BIN2: variants seen among roughly 807,000 people sequenced by gnomAD.
BIN2 encodes breast cancer associated protein BRAP1.
A neutral mutation model predicts 67.9 loss-of-function variants in BIN2; 43 were observed. The ratio of observed to expected loss-of-function variants is 0.63; its 90% confidence interval spans 0.50 to 0.82. The LOEUF is 0.82. BIN2 is among the 40% of genes least tolerant of loss of function. BIN2 has a pLI of 0.00. For missense variants in BIN2, 581 were observed against 671.6 expected (o/e 0.87, Z 1.49); for synonymous variants, 244 against 246.8 (o/e 0.99, Z 0.11).
intron 2 of BIN2, among the ~76,000 whole-genome samples, chr12:51,304,876 G>A (rs1360884705): frequency 6.6e-6 from 1 of 151,964 alleles, no homozygotes; most frequent in Non-Finnish European, 1.5e-5. Flanking sequence ...AATTAGCTGG[G>A]TGTGGTGGCG....
At chr12:51,320,156 T>G (rs754001206) in intron 1 of BIN2, among the ~76,000 whole-genome samples, 17 of 152,074 alleles carry the variant, frequency 1.1e-4, no homozygotes, top group Non-Finnish European at 1.8e-4. Context: ...ATTTTTGTAT[T>G]TTTTGGTAGA....
chr12:51,324,291 G>A, upstream of BIN2: 6 of 1,390,836 alleles, frequency 4.3e-6, no homozygotes, highest in South Asian at 1.5e-5. Context: ...AGGCCGGCTC[G>A]GAGGGGCGGG....
At chr12:51,297,260 A>T (rs1364529443) in intron 7 of BIN2, 96 bp from the exon 8 acceptor site, 1 of 1,229,368 alleles carries the variant, frequency 8.1e-7, no homozygotes. Context: ...AAAACCAGCC[A>T]CCAAGGCTCC....
intron 11 of BIN2, 48 bp downstream of exon 11, chr12:51,288,060 T>C (rs954963358): frequency 6.9e-6 from 9 of 1,303,414 alleles, no homozygotes; most frequent in Non-Finnish European, 9.9e-6. Context: ...AATTTTAATG[T>C]ACAAAAAAAT....
At position 51,292,279 on chromosome 12, in the gene BIN2, G is replaced by T. The variant is rs370582865; in HGVS notation, c.827C>A (p.Thr276Asn). The T allele has an allele frequency of 1.2e-6, 2 of 1,601,346 alleles. No individual in the cohort carries two copies. The highest frequency in any genetic ancestry group is 2.7e-5 in the African/African-American group (2 of 75,026). ...AAGTGTAGAGGGACTAGTAGGTGAG[G>T]TAAGAGGACTGGAGACTGTAGCTGT... The part of the protein sequence containing the change: ...VRTATVSSPL[T>N]SPTSPSTLSL... Residue 276 changes from threonine (T) to asparagine (N), a missense_variant, in exon 10 of 13, where the codon ACC (threonine) becomes AAC (asparagine). Transcript: ENST00000615107.
chr12:51,291,537 T>C, intron 10 of BIN2, 54 bp downstream of exon 10: 1 of 1,500,212 alleles, frequency 6.7e-7, no homozygotes, highest in Admixed American at 2.2e-5. Context: ...AGTGAGACCC[T>C]AGCTTAAATA....
At chr12:51,295,198 G>C (rs1945504165) in intron 9 of BIN2, among the ~76,000 whole-genome samples, 1 of 151,502 alleles carries the variant, frequency 6.6e-6, no homozygotes, top group African/African-American at 2.4e-5. Context: ...TCCTGCCTCA[G>C]CCTCCCAAAG....
chr12:51,311,843 C>T (rs1946005078), intron 2 of BIN2, among the ~76,000 whole-genome samples: 1 of 151,930 alleles, frequency 6.6e-6, no homozygotes, highest in Non-Finnish European at 1.5e-5. Flanking sequence ...GCGATCTTGG[C>T]TCACTGCAAC....
intron 1 of BIN2, among the ~76,000 whole-genome samples, chr12:51,320,259 A>T (rs1385053499): frequency 2.6e-5 from 4 of 152,160 alleles, no homozygotes; most frequent in African/African-American, 9.7e-5. Flanking sequence ...ACCTCAGGTG[A>T]TCTACCCACC....
At chr12:51,287,204 T>A (rs764042627) in intron 11 of BIN2, among the ~76,000 whole-genome samples, 17 of 152,070 alleles carry the variant, frequency 1.1e-4, no homozygotes, top group Non-Finnish European at 1.0e-4. Flanking sequence ...CAGTGGCTAT[T>A]CACAGGTGTG....
At chr12:51,324,500 C>G, upstream of BIN2, 1 of 1,530,236 alleles carries the variant, frequency 6.5e-7, no homozygotes, top group Non-Finnish European at 8.7e-7. Context: ...TTCCACTCAG[C>G]GAGAGGACCT....
At chr12:51,309,961 C>T (rs972733338) in intron 2 of BIN2, among the ~76,000 whole-genome samples, 2 of 152,138 alleles carry the variant, frequency 1.3e-5, no homozygotes, top group Non-Finnish European at 2.9e-5. Flanking sequence ...GGAAATAGAA[C>T]AGTAAGAAGA....
chr12:51,324,239 G>A (rs543645609), upstream of BIN2: 40 of 1,439,848 alleles, frequency 2.8e-5, no homozygotes, highest in African/African-American at 5.7e-4. Flanking sequence ...CCCCTGGCCA[G>A]CCCTGAGGCC....
At chr12:51,290,729 C>T (rs999087369) in intron 10 of BIN2, among the ~76,000 whole-genome samples, 1 of 151,618 alleles carries the variant, frequency 6.6e-6, no homozygotes, top group Non-Finnish European at 1.5e-5. Context: ...GTCAGGAGAT[C>T]GAGACCATCC....
chr12:51,300,073 T>C (rs1001455120), intron 5 of BIN2, among the ~76,000 whole-genome samples: 2 of 151,934 alleles, frequency 1.3e-5, no homozygotes, highest in African/African-American at 4.8e-5. Context: ...CCTGGGCTCA[T>C]GTGATATGCC....
chr12:51,282,549 C>A (rs1945140816), intron 12 of BIN2, among the ~76,000 whole-genome samples: 2 of 152,198 alleles, frequency 1.3e-5, no homozygotes, highest in East Asian at 1.9e-4. Context: ...CAATAAACAA[C>A]TATATTACTT....
chr12:51,298,838 GCAGGGGGATCACTTGAAGC>G (rs1057451617), intron 7 of BIN2, among the ~76,000 whole-genome samples: 8 of 152,230 alleles, frequency 5.3e-5, no homozygotes, highest in African/African-American at 1.4e-4. Context: ...GGAGGCCAAG[GCAGGGGGATCACTTGAAGC>G]CAGGAGTTCG....
chr12:51,320,638 T>TC (rs1312559171), intron 1 of BIN2, among the ~76,000 whole-genome samples: 2 of 113,562 alleles, frequency 1.8e-5, no homozygotes. Flanking sequence ...ATTATTCTTT[T>TC]TTTTTTTTTT....
intron 2 of BIN2, among the ~76,000 whole-genome samples, chr12:51,305,763 C>A (rs1052190667): frequency 2.0e-5 from 3 of 148,964 alleles, no homozygotes. Flanking sequence ...TTGGTCAAAT[C>A]AAAGAAAACT....
Sources: allele counts gnomAD v4.1 joint callset (sites outside exome capture counted in the v4.1 genomes callset), GRCh38; gene constraint gnomAD v4.1.1; transcripts MANE v1.5; gene names NCBI Gene and HGNC (gene_info 2026-07-23, HGNC 2026-07-21).